The following AFDN variants were observed in gnomAD, a reference collection of about 807,000 sequenced individuals.
AFDN encodes afadin, adherens junction formation factor.
AFDN carries 68 observed loss-of-function variants against 216.6 expected under a neutral mutation model. The ratio of observed to expected loss-of-function variants is 0.31; its 90% confidence interval spans 0.26 to 0.38. The LOEUF is 0.38. AFDN is among the 10% of genes least tolerant of loss of function. The pLI is 1.00. For missense variants in AFDN, 2,136 were observed against 2,342.0 expected, an observed-to-expected ratio of 0.91 and a Z score of 1.82; for synonymous variants, 868 against 853.7, an observed-to-expected ratio of 1.02 and a Z score of -0.29.
intron 8 of AFDN, among the ~76,000 whole-genome samples, chr6:167,892,683 C>T (rs907956901): frequency 6.6e-6 from 1 of 152,304 alleles, no homozygotes; most frequent in Middle Eastern, 3.4e-3. Context: ...ATACCGTGTT[C>T]TGGGCCTTGG....
In AFDN at chr6:167,969,978, T is replaced by C; in HGVS notation, c.*43T>C. ...ACTTTGTATTTACCCCAAAATCTTT[T>C]CAGTTGTGGGTTTGTAGGTGCGAGT... On this transcript the variant is annotated 3_prime_UTR_variant, in exon 34 of 34. Coordinates refer to ENST00000683244, the MANE Select transcript of AFDN (RefSeq NM_001386888.1). 6.5e-7 allele frequency: 1 copy of C among 1,547,060 alleles called. No individual in the cohort carries two copies. Among genetic ancestry groups the C allele is most frequent in the Non-Finnish European group, 8.7e-7 (1 of 1,148,216 alleles).
intron 23 of AFDN, 104 bp from the exon 24 acceptor site, chr6:167,943,025 T>C (rs1794876958): frequency 2.6e-6 from 2 of 765,524 alleles, no homozygotes; most frequent in South Asian, 4.3e-5. Flanking sequence ...GTTGCAGTTA[T>C]CTGTGTACAT....
intron 21 of AFDN, among the ~76,000 whole-genome samples, chr6:167,922,525 A>C (rs1405047172): frequency 6.6e-6 from 1 of 152,110 alleles, no homozygotes; most frequent in Non-Finnish European, 1.5e-5. Flanking sequence ...GTTATTAAGG[A>C]TCTCTTAGTG....
At chr6:167,830,933 C>CG (rs1779758405) in intron 1 of AFDN, among the ~76,000 whole-genome samples, 1 of 79,320 alleles carries the variant, frequency 1.3e-5, no homozygotes, top group African/African-American at 5.0e-5. Flanking sequence ...ATATTTGAAA[C>CG]TTTTTTTTTT....
intron 30 of AFDN, 157 bp downstream of exon 30, chr6:167,952,344 C>T (rs1335665472): frequency 4.7e-6 from 7 of 1,504,334 alleles, no homozygotes; most frequent in Admixed American, 2.3e-5. Flanking sequence ...TGGCTGATGT[C>T]GTAGAGAAAT....
intron 1 of AFDN, among the ~76,000 whole-genome samples, chr6:167,845,907 G>A (rs1781620183): frequency 6.6e-6 from 1 of 152,058 alleles, no homozygotes; most frequent in South Asian, 2.1e-4. Context: ...CAATCATGAC[G>A]GAAGACAAAG....
chr6:167,836,014 A>G (rs1324562010), intron 1 of AFDN, among the ~76,000 whole-genome samples: 1 of 152,210 alleles, frequency 6.6e-6, no homozygotes, highest in East Asian at 1.9e-4. Flanking sequence ...TTCAACATTT[A>G]TTTTACGCAT....
At chr6:167,936,644 T>C (rs1794036577) in intron 23 of AFDN, among the ~76,000 whole-genome samples, 1 of 152,110 alleles carries the variant, frequency 6.6e-6, no homozygotes, top group Admixed American at 6.5e-5. Flanking sequence ...AGCTCCATAA[T>C]GTTAAGGAAT....
At chr6:167,903,888 A>T (rs1789307405) in intron 12 of AFDN, among the ~76,000 whole-genome samples, 1 of 152,114 alleles carries the variant, frequency 6.6e-6, no homozygotes, top group South Asian at 2.1e-4. Flanking sequence ...GTCCTGTCTT[A>T]CTTGTTGCAG....
At position 167,951,503 on chromosome 6, in the gene AFDN, C is replaced by T. The variant is rs375289440; in HGVS notation, c.4149C>T (p.Ala1383=). 1.5e-5 allele frequency: 24 copies of T among 1,613,848 alleles called. No homozygotes were observed. Among genetic ancestry groups the T allele is most frequent in the Middle Eastern group, 1.6e-4 (1 of 6,082 alleles). The change falls in exon 30 of 34, where the codon GCC becomes GCT. Residue 1383 remains alanine (A), a synonymous_variant. Transcript: ENST00000683244. This position sits in a 1 kb window ranked among gnomAD's most constrained non-coding sequence, Gnocchi z 7.1. ...CCCCGCCACCTCCAGTCCACTATGC[C>T]GGTGATTTCGATGGAATGTCCATGG... The part of the protein sequence containing the change: ...PPPPPPPVHY[A]GDFDGMSMDL...
chr6:167,884,292 A>G (rs866799971), intron 6 of AFDN, among the ~76,000 whole-genome samples: 3 of 152,090 alleles, frequency 2.0e-5, no homozygotes, highest in South Asian at 2.1e-4. Flanking sequence ...TCCTTTCACT[A>G]TTGATATTTT....
At chr6:167,966,202 C>G (rs1177907083) in intron 32 of AFDN, 157 bp downstream of exon 32, 1 of 1,534,144 alleles carries the variant, frequency 6.5e-7, no homozygotes, top group Non-Finnish European at 8.7e-7. Context: ...AACAGTACTG[C>G]TCACAAAAAA....
intron 1 of AFDN, among the ~76,000 whole-genome samples, chr6:167,863,115 T>C (rs1303836716): frequency 6.6e-6 from 1 of 152,186 alleles, no homozygotes; most frequent in Non-Finnish European, 1.5e-5. Context: ...ACCTGAAATA[T>C]GACATGCTCC....
chr6:167,868,832 A>G (rs764381614), intron 2 of AFDN, among the ~76,000 whole-genome samples: 4 of 147,242 alleles, frequency 2.7e-5, no homozygotes, highest in Non-Finnish European at 5.9e-5. Flanking sequence ...GTGCCGTCAC[A>G]GTTCACTGTG....
chr6:167,867,525 G>T (rs533183250), intron 2 of AFDN, among the ~76,000 whole-genome samples: 1 of 151,378 alleles, frequency 6.6e-6, no homozygotes, highest in Non-Finnish European at 1.5e-5. Flanking sequence ...CGCCTCCCGG[G>T]TTCACGCGAT....
intron 12 of AFDN, 123 bp downstream of exon 12, chr6:167,902,509 A>G (rs1387127430): frequency 1.3e-5 from 9 of 683,060 alleles, no homozygotes; most frequent in South Asian, 3.6e-5. Flanking sequence ...CCACCAGTCA[A>G]TGTCTGAAAT....
At position 167,965,749 on chromosome 6, in the gene AFDN, G is replaced by A. The variant is rs1198208409; in HGVS notation, c.4969-8G>A. Reference sequence around the variant, plus strand: ...GACCTTTGCACTCTTGTCTATTCCCGCCCGCAGAGGCGACAGGAAGAAGGG... The same window carrying A: ...GACCTTTGCACTCTTGTCTATTCCCACCCGCAGAGGCGACAGGAAGAAGGG... On this transcript the variant is annotated splice_polypyrimidine_tract_variant and splice_region_variant and intron_variant, in intron 31 of 33. Coordinates refer to ENST00000683244, the MANE Select transcript of AFDN (RefSeq NM_001386888.1). 11 of 1,524,288 alleles carry A rather than the reference G, an allele frequency of 7.2e-6. No homozygotes were observed. Among genetic ancestry groups the A allele is most frequent in the African/African-American group, 1.4e-5 (1 of 72,918 alleles). The allele number at this position is 1,524,288 out of a possible 1,614,324, so 94.4% of individuals were successfully genotyped here.
At chr6:167,827,346 T>C (rs868577555) in intron 1 of AFDN, 109 bp downstream of exon 1, 68 of 119,204 alleles carry the variant, frequency 5.7e-4, no homozygotes, top group African/African-American at 7.7e-4. Flanking sequence ...CCTTTCCCCC[T>C]CCCCCCTCCG....
chr6:167,887,968 A>G (rs1033894342), intron 6 of AFDN, among the ~76,000 whole-genome samples: 5 of 152,216 alleles, frequency 3.3e-5, no homozygotes, highest in Non-Finnish European at 1.5e-5. Flanking sequence ...AATGCTTTCT[A>G]GAGAAGTTGT....
Sources: allele counts gnomAD v4.1 joint callset (sites outside exome capture counted in the v4.1 genomes callset), GRCh38; gene constraint gnomAD v4.1.1; non-coding constraint Gnocchi (gnomAD v3.1); transcripts MANE v1.5; gene names NCBI Gene and HGNC (gene_info 2026-07-23, HGNC 2026-07-21).